Variants in COL15A1 observed in about 807,000 individuals in gnomAD.
COL15A1 encodes the protein collagen type XV alpha 1 chain.
COL15A1 carries 111 observed loss-of-function variants against 165.9 expected under a neutral mutation model. The observed-to-expected ratio is 0.67, with a 90% confidence interval of 0.57 to 0.78. COL15A1 has a LOEUF of 0.78. Ranked by LOEUF, COL15A1 falls within the 30% of genes least tolerant of loss-of-function variation. COL15A1 has a pLI of 0.00. For synonymous variants in COL15A1, 659 were observed against 674.8 expected (o/e 0.98, Z 0.36); for missense variants, 1,745 against 1,789.7 (o/e 0.98, Z 0.45).
At position 99,035,133 on chromosome 9, in the gene COL15A1, C is replaced by T. The variant is rs998187417; in HGVS notation, c.2199C>T (p.Cys733=). ...PGPPGPPGPG[C]TMGLGFEDTE... is the part of the protein sequence containing the mutation. ...CCCCTGGGCCCCCAGGCCCTGGATG[C>T]ACAATGGGACTTGGATTCGAGGTAC... Residue 733 remains cysteine, a synonymous_variant, in exon 18 of 42, where the codon TGC becomes TGT. Transcript: ENST00000375001. 5 of 1,598,006 alleles carry T rather than the reference C, an allele frequency of 3.1e-6. No homozygotes were observed. The Admixed American group carries it at 5.4e-5, about 17-fold the overall frequency.
intron 4 of COL15A1, among the ~76,000 whole-genome samples, chr9:98,988,566 T>C (rs1838356798): frequency 1.3e-5 from 2 of 152,100 alleles, no homozygotes; most frequent in Admixed American, 1.3e-4. Context: ...AAAGTAGATA[T>C]GTTAGAGAGA....
Position 98,996,921 on chromosome 9 carries a change from T to A in COL15A1, c.805-13T>A. On this transcript the variant is annotated splice_polypyrimidine_tract_variant and intron_variant, in intron 5 of 41. Transcript: ENST00000375001. ...AAGTAAATCATTTTGCATCTCATTT[T>A]TCCTCCCTTCAGCCCAAAGAAGCAA... 1 of 1,610,876 alleles carries A rather than the reference T, an allele frequency of 6.2e-7. No individual in the cohort carries two copies. The highest frequency in any genetic ancestry group is 1.1e-5 in the South Asian group (1 of 90,962).
chr9:99,052,371 C>A lies in COL15A1; in HGVS notation c.2905-17C>A. Reference sequence around the variant, plus strand: ...GCAGAGCTTGCAGTGCCTAACCTGGCCTTCCTCTCTTTCCAGGTTGATACT... The same window carrying A: ...GCAGAGCTTGCAGTGCCTAACCTGGACTTCCTCTCTTTCCAGGTTGATACT... On this transcript the variant is annotated splice_polypyrimidine_tract_variant and intron_variant, in intron 30 of 41. Coordinates refer to ENST00000375001, the MANE Select transcript of COL15A1 (RefSeq NM_001855.5). The A allele has an allele frequency of 3.7e-6, 6 of 1,605,576 alleles. No homozygotes were observed. The highest frequency in any genetic ancestry group is 5.1e-6 in the Non-Finnish European group (6 of 1,172,208).
intron 16 of COL15A1, among the ~76,000 whole-genome samples, chr9:99,028,238 AT>A (rs1477055277): frequency 1.3e-5 from 2 of 152,140 alleles, no homozygotes; most frequent in Non-Finnish European, 2.9e-5. Context: ...CTGGAAAAAA[AT>A]GTTTTTTATA....
At chr9:98,996,656 G>C (rs146954455) in intron 5 of COL15A1, among the ~76,000 whole-genome samples, 384 of 152,260 alleles carry the variant, frequency 2.5e-3, no homozygotes, top group African/African-American at 8.8e-3. Flanking sequence ...CCTGGGATTT[G>C]GGAATCACAG....
chr9:99,007,118 A>G (rs1375001483), intron 9 of COL15A1, among the ~76,000 whole-genome samples: 2 of 152,306 alleles, frequency 1.3e-5, no homozygotes, highest in Admixed American at 1.3e-4. Context: ...TCATAGGTAG[A>G]TAAGAGACAA....
intron 2 of COL15A1, among the ~76,000 whole-genome samples, chr9:98,971,443 C>A (rs1032485184): frequency 6.6e-6 from 1 of 152,076 alleles, no homozygotes; most frequent in African/African-American, 2.4e-5. Context: ...TCTTTGTTCC[C>A]CAAATGGAAA....
chr9:99,049,054 C>G (rs7037539), intron 28 of COL15A1, among the ~76,000 whole-genome samples: 1 of 152,148 alleles, frequency 6.6e-6, no homozygotes, highest in Non-Finnish European at 1.5e-5. Flanking sequence ...CAGACACTGA[C>G]GCCTTCATTT....
chr9:99,019,404 A>G (rs1838990340), intron 11 of COL15A1, among the ~76,000 whole-genome samples: 2 of 151,990 alleles, frequency 1.3e-5, no homozygotes, highest in Admixed American at 6.5e-5. Flanking sequence ...TAGTGGAGAC[A>G]GGATTTCACC....
At chr9:98,977,002 C>T (rs566478083) in intron 2 of COL15A1, among the ~76,000 whole-genome samples, 90 of 152,068 alleles carry the variant, frequency 5.9e-4, no homozygotes, top group African/African-American at 2.1e-3. Flanking sequence ...AATGTAGGAC[C>T]CATTCAGGAT....
intron 22 of COL15A1, among the ~76,000 whole-genome samples, chr9:99,039,874 A>G (rs1435933215): frequency 6.6e-6 from 1 of 152,170 alleles, no homozygotes; most frequent in Non-Finnish European, 1.5e-5. Flanking sequence ...ACAGCTGTGC[A>G]ATGCCGATGT....
chr9:98,965,850 G>A (rs140511919), intron 2 of COL15A1, among the ~76,000 whole-genome samples: 59 of 152,096 alleles, frequency 3.9e-4, no homozygotes, highest in Non-Finnish European at 6.8e-4. Context: ...TTGGTGTCTG[G>A]TCCTTTTTTT....
chr9:98,965,232 G>T (rs1280392106), intron 2 of COL15A1, among the ~76,000 whole-genome samples: 4 of 152,182 alleles, frequency 2.6e-5, no homozygotes. Context: ...TCAGGAATCT[G>T]CCAAGGCACC....
At chr9:99,024,319 C>T (rs113131207) in intron 14 of COL15A1, among the ~76,000 whole-genome samples, 4,677 of 125,056 alleles carry the variant, frequency 0.037, 272 homozygotes, top group African/African-American at 0.13. Flanking sequence ...CTTGCTCTGT[C>T]GCCCAGGCTG....
Position 99,052,426 on chromosome 9 carries a change from T to G in COL15A1, c.2943T>G (p.Thr981=), listed in dbSNP as rs1839605702. ...ATCCTGGGAGTCCAGAGCTCATCACTTTTCACGGTATACACTCCCTTCTTC... is the reference window on the plus strand; with the variant it reads ...ATCCTGGGAGTCCAGAGCTCATCACGTTTCACGGTATACACTCCCTTCTTC... ...TAHPGSPELI[T]FHGVKGEKGS... Residue 981 remains threonine (T), a synonymous_variant, in exon 31 of 42, where the codon ACT becomes ACG. Coordinates refer to ENST00000375001, the MANE Select transcript of COL15A1 (RefSeq NM_001855.5). 6.2e-7 allele frequency: 1 copy of G among 1,608,002 alleles called. No individual in the cohort carries two copies. Among genetic ancestry groups the G allele is most frequent in the African/African-American group, 1.3e-5 (1 of 74,782 alleles).
Position 99,038,671 on chromosome 9 carries a change from T to C in COL15A1, c.2413T>C (p.Leu805=). The change falls in exon 22 of 42, where the codon TTG becomes CTG. Residue 805 remains leucine, a synonymous_variant. Coordinates refer to ENST00000375001, the MANE Select transcript of COL15A1 (RefSeq NM_001855.5). Reference sequence around the variant, plus strand: ...TGTCTGATTTTTCTCTTTTCAGTCCTTGATCAATATCACCCATGGATTCAT... The same window carrying C: ...TGTCTGATTTTTCTCTTTTCAGTCCCTGATCAATATCACCCATGGATTCAT... ...PGHIKVLSNS[L]INITHGFMNF... 1 of 1,599,962 alleles carries C rather than the reference T, an allele frequency of 6.3e-7. No homozygotes were observed. The highest frequency in any genetic ancestry group is 8.6e-7 in the Non-Finnish European group (1 of 1,167,224).
At chr9:99,008,958 C>T (rs1452708111) in intron 9 of COL15A1, among the ~76,000 whole-genome samples, 2 of 152,170 alleles carry the variant, frequency 1.3e-5, no homozygotes, top group Non-Finnish European at 2.9e-5. Flanking sequence ...GTTTTCTTGG[C>T]TCCGATAAAC....
At chr9:98,976,522 T>C (rs973841250) in intron 2 of COL15A1, among the ~76,000 whole-genome samples, 2 of 152,092 alleles carry the variant, frequency 1.3e-5, no homozygotes, top group Non-Finnish European at 2.9e-5. Flanking sequence ...GGATCCAGCA[T>C]CGTGGAGATG....
chr9:98,966,957 A>G (rs4743300), intron 2 of COL15A1, among the ~76,000 whole-genome samples: 1 of 151,984 alleles, frequency 6.6e-6, no homozygotes, highest in Admixed American at 6.6e-5. Context: ...CAATCACGCT[A>G]GTCTAGAGTC....
Sources: gnomAD v4.1 joint callset for allele counts (sites outside exome capture counted in the v4.1 genomes callset) on GRCh38, gnomAD v4.1.1 for gene constraint, MANE v1.5 for transcripts, NCBI Gene and HGNC (gene_info 2026-07-23, HGNC 2026-07-21) for gene names.